TNR: variants seen among roughly 807,000 people sequenced by gnomAD.
TNR encodes the protein tenascin-R.
TNR carries 45 observed loss-of-function variants against 150.4 expected under a neutral mutation model. The observed-to-expected ratio is 0.30, with a 90% CI of 0.24 to 0.38. The LOEUF is 0.38. Among genes scored for constraint, TNR ranks in the 10% least tolerant of loss-of-function variants. The pLI, the probability that TNR is intolerant of heterozygous loss-of-function variation, is 1.00. For missense variants in TNR, 1,544 were observed against 1,759.1 expected (o/e 0.88, Z 2.19); for synonymous variants, 687 against 678.4 (o/e 1.01, Z -0.20).
chr1:175,623,061 TC>T (rs992892707), intron 1 of TNR, among the ~76,000 whole-genome samples: 12 of 152,322 alleles, frequency 7.9e-5, no homozygotes, highest in African/African-American at 2.6e-4. Context: ...GGTTAAGATT[TC>T]AACGTACATT....
At chr1:175,439,505 A>C (rs1419128839) in intron 2 of TNR, among the ~76,000 whole-genome samples, 1 of 152,168 alleles carries the variant, frequency 6.6e-6, no homozygotes, top group African/African-American at 2.4e-5. Flanking sequence ...CAATGGCAAC[A>C]AAAGCCAAAA....
At chr1:175,683,197 C>T (rs1433880317) in intron 1 of TNR, among the ~76,000 whole-genome samples, 1 of 152,146 alleles carries the variant, frequency 6.6e-6, no homozygotes, top group Non-Finnish European at 1.5e-5. Context: ...TCCTTACTAA[C>T]TGTGCATGCA....
intron 18 of TNR, among the ~76,000 whole-genome samples, chr1:175,339,829 C>A (rs575670203): frequency 6.6e-6 from 1 of 152,280 alleles, no homozygotes; most frequent in Admixed American, 6.5e-5. Flanking sequence ...CAGTCTCATA[C>A]AAATACACAT....
chr1:175,573,736 C>T (rs1005619941), intron 1 of TNR, among the ~76,000 whole-genome samples: 22 of 152,166 alleles, frequency 1.4e-4, no homozygotes, highest in African/African-American at 5.1e-4. Flanking sequence ...GCAGGGTGGG[C>T]GTGGGAGTTG....
chr1:175,385,393 G>T (rs922398951), intron 8 of TNR, among the ~76,000 whole-genome samples: 3 of 152,210 alleles, frequency 2.0e-5, no homozygotes, highest in Non-Finnish European at 2.9e-5. Flanking sequence ...CCTTGAGAAT[G>T]TGGGGGTGGG....
At chr1:175,658,480 A>G (rs932257019) in intron 1 of TNR, among the ~76,000 whole-genome samples, 1 of 152,178 alleles carries the variant, frequency 6.6e-6, no homozygotes, top group Non-Finnish European at 1.5e-5. Flanking sequence ...CTGAGGGCAA[A>G]GTAAAACCTC....
At chr1:175,659,079 A>G (rs1004106773) in intron 1 of TNR, among the ~76,000 whole-genome samples, 1 of 152,226 alleles carries the variant, frequency 6.6e-6, no homozygotes, top group African/African-American at 2.4e-5. Context: ...ACTTCCAAAG[A>G]TGCCAAGCAT....
At chr1:175,552,015 T>C (rs796586085) in intron 1 of TNR, among the ~76,000 whole-genome samples, 2 of 152,154 alleles carry the variant, frequency 1.3e-5, no homozygotes, top group East Asian at 3.8e-4. Flanking sequence ...AAATATCTTA[T>C]CTAAACTTAT....
chr1:175,683,435 C>T (rs1571748538), intron 1 of TNR, among the ~76,000 whole-genome samples: 1 of 152,204 alleles, frequency 6.6e-6, no homozygotes, highest in African/African-American at 2.4e-5. Context: ...AACAATTTTT[C>T]TCAAGGAGTG....
At chr1:175,410,607 C>T (rs1654170903) in intron 2 of TNR, among the ~76,000 whole-genome samples, 4 of 152,194 alleles carry the variant, frequency 2.6e-5, no homozygotes, top group Non-Finnish European at 4.4e-5. Context: ...TCTTCCAGCC[C>T]TGTCTTGGTT....
intron 1 of TNR, among the ~76,000 whole-genome samples, chr1:175,674,912 C>T (rs537472942): frequency 2.6e-5 from 4 of 152,110 alleles, no homozygotes; most frequent in African/African-American, 7.2e-5. Context: ...AGCTCTTACC[C>T]GCACAGCTAA....
chr1:175,719,932 T>C (rs191667272), intron 1 of TNR, among the ~76,000 whole-genome samples: 1 of 152,346 alleles, frequency 6.6e-6, no homozygotes, highest in East Asian at 1.9e-4. Context: ...ACAGTTCCTG[T>C]AGTGGCAGGC....
At chr1:175,376,102 G>A (rs1039496067) in intron 9 of TNR, among the ~76,000 whole-genome samples, 1 of 152,074 alleles carries the variant, frequency 6.6e-6, no homozygotes, top group Non-Finnish European at 1.5e-5. Flanking sequence ...CAGGCTCTGG[G>A]TTGGTAGTTC....
intron 1 of TNR, among the ~76,000 whole-genome samples, chr1:175,605,002 T>C (rs919357357): frequency 6.6e-6 from 1 of 152,156 alleles, no homozygotes; most frequent in African/African-American, 2.4e-5. Flanking sequence ...ATGAATTGGC[T>C]TGAAGCTCAT....
chr1:175,400,277 T>C (rs992492956), intron 4 of TNR, among the ~76,000 whole-genome samples: 4 of 152,200 alleles, frequency 2.6e-5, no homozygotes, highest in African/African-American at 9.6e-5. Context: ...TACTTTGCAT[T>C]CCAGAGAAGA....
intron 1 of TNR, among the ~76,000 whole-genome samples, chr1:175,634,328 C>A (rs191508269): frequency 1.7e-4 from 26 of 152,320 alleles, no homozygotes; most frequent in African/African-American, 5.3e-4. Flanking sequence ...ATCCAGCCAG[C>A]TGCCAACATC....
rs529062009 is a variant in TNR, at chr1:175,499,046, G to A, written c.-64+29223C>T. On this transcript the variant is annotated intron_variant, in intron 2 of 22. Coordinates refer to ENST00000367674, the MANE Select transcript of TNR (RefSeq NM_003285.3). The stretch of plus-strand genomic sequence containing the variant: ...ACAGGAAAGAAAACCTATGAAAGTC[G>A]ACATAGCACAAAGCACATGCCTCCG... 2.6e-5 allele frequency among the ~76,000 whole-genome samples: 4 copies of A among 152,294 alleles called. No individual in the cohort carries two copies. In the South Asian group the frequency reaches 8.3e-4, roughly 32 times the overall value.
At chr1:175,393,722 G>C in intron 6 of TNR, 58 bp downstream of exon 6, 1 of 1,409,242 alleles carries the variant, frequency 7.1e-7, no homozygotes, top group East Asian at 2.3e-5. Context: ...CTGATTCCAA[G>C]CTAAAGGTAC....
chr1:175,395,324 A>G (rs1653374166), intron 5 of TNR, among the ~76,000 whole-genome samples: 1 of 152,086 alleles, frequency 6.6e-6, no homozygotes, highest in African/African-American at 2.4e-5. Context: ...CTTTCGTGGC[A>G]TTTGTTACCT....
Sources: gnomAD v4.1 joint callset for allele counts (sites outside exome capture counted in the v4.1 genomes callset) on GRCh38, gnomAD v4.1.1 for gene constraint, MANE v1.5 for transcripts, NCBI Gene and HGNC (gene_info 2026-07-23, HGNC 2026-07-21) for gene names.